Variants in MLIP observed in about 807,000 individuals in gnomAD.
The protein encoded by MLIP is muscular LMNA interacting protein.
MLIP carries 79 observed loss-of-function variants against 84.8 expected under a neutral mutation model. The observed-to-expected ratio is 0.93, with a 90% CI of 0.78 to 1.12. The LOEUF (loss-of-function observed/expected upper bound fraction) is 1.12. Among genes scored for constraint, MLIP ranks in the 50% most tolerant of loss-of-function variants. The pLI is 0.00. For missense variants in MLIP, 1,257 were observed against 1,160.6 expected (o/e 1.08, Z -1.21); for synonymous variants, 504 against 463.0 (o/e 1.09, Z -1.14).
In MLIP at chr6:54,066,498, G is replaced by A. The variant is rs1164291580; in HGVS notation, c.63+47407G>A. 5.1e-5 allele frequency among the ~76,000 whole-genome samples: 5 copies of A among 98,568 alleles called. 2 individuals carry two copies. Among genetic ancestry groups the A allele is most frequent in the African/African-American group, 1.3e-4 (5 of 38,768 alleles). The allele number at this position is 98,568 out of a possible 152,430, so 64.7% of individuals were successfully genotyped here. On this transcript the variant is annotated intron_variant, in intron 1 of 12. Coordinates refer to the MLIP transcript ENST00000274897. The stretch of plus-strand genomic sequence containing the variant: ...CAGTATGTGTGTGTGTCTGTGTGTC[G>A]GTGTGTGTGTTTGCATGTGTATGCA...
chr6:54,164,627 C>T (rs1562003415), intron 8 of MLIP, among the ~76,000 whole-genome samples: 1 of 151,900 alleles, frequency 6.6e-6, no homozygotes, highest in African/African-American at 2.4e-5. Context: ...ATATACTTTC[C>T]TCCAATCCAA....
rs1383911716 is a variant in MLIP, at chr6:54,067,444, C to G, written c.63+48353C>G. ...TCCAAAAGTGGCACTTTATTTAATT[C>G]TTTCTTTTATAACTGTTCCTAATTA... On this transcript the variant is annotated intron_variant, in intron 1 of 12. Transcript: ENST00000274897. 2.0e-5 allele frequency among the ~76,000 whole-genome samples: 2 copies of G among 101,304 alleles called. 1 individual carries two copies. The allele number at this position is 101,304 out of a possible 152,430, so 66.5% of individuals were successfully genotyped here.
rs377357608 is a variant in MLIP, at chr6:54,174,685, C to CATTCTGTGGGAAA, written c.2544+5122_2544+5123insGAAAATTCTGTGG. Among the ~76,000 whole-genome samples, 1,279 of 151,990 alleles carry CATTCTGTGGGAAA rather than the reference C, an allele frequency of 8.4e-3. 18 individuals are homozygous for CATTCTGTGGGAAA. Among genetic ancestry groups the CATTCTGTGGGAAA allele is most frequent in the African/African-American group, 0.029 (1,192 of 41,454 alleles). On this transcript the variant is annotated intron_variant, in intron 9 of 13. Transcript: ENST00000502396. ...TGGGTAGTTTGCAAATATTTTTTCC[C>CATTCTGTGGGAAA]ATTCTGTGGATTATCCCTTCACTTT...
rs1779786134 is a variant in MLIP at position 54,215,396 on chromosome 6, A to G, written c.2718+13163A>G. The stretch of plus-strand genomic sequence containing the variant: ...GCTACTAATCACCATTTCTAATGGA[A>G]CCCATACTAATAAGTATTTGTGATT... On this transcript the variant is annotated intron_variant, in intron 11 of 13. Coordinates refer to ENST00000502396, the MANE Select transcript of MLIP (RefSeq NM_001281747.2). The G allele has an allele frequency of 3.1e-6, 4 of 1,290,238 alleles. No homozygotes were observed. In the South Asian group the frequency reaches 9.7e-5, roughly 31 times the overall value. 79.9% of individuals were successfully genotyped at this position (1,290,238 alleles called of 1,614,324 possible). A position where few individuals can be genotyped will look rare whatever the true frequency, so the allele number is the denominator to read the frequency against.
chr6:54,161,550 AT>A (rs1189177878), intron 8 of MLIP, among the ~76,000 whole-genome samples: 1 of 151,694 alleles, frequency 6.6e-6, no homozygotes, highest in Non-Finnish European at 1.5e-5. Context: ...TTAGCTACTG[AT>A]TTTTTTGGTC....
At chr6:54,120,141 A>G (rs530591658) in intron 1 of MLIP, among the ~76,000 whole-genome samples, 18 of 152,348 alleles carry the variant, frequency 1.2e-4, no homozygotes, top group African/African-American at 4.1e-4. Flanking sequence ...TAAAAGAGAA[A>G]TCTACAGTAC....
intron 1 of MLIP, among the ~76,000 whole-genome samples, chr6:54,077,204 C>T (rs944965650): frequency 6.6e-6 from 1 of 152,074 alleles, no homozygotes; most frequent in East Asian, 1.9e-4. Flanking sequence ...AGTAATCAGT[C>T]CCCTTGACTG....
chr6:54,232,629 T>C lies in MLIP; in HGVS notation c.2922+1712T>C, dbSNP rs73741480. Among the ~76,000 whole-genome samples, 1,267 of 152,348 alleles carry C rather than the reference T, an allele frequency of 8.3e-3. 19 individuals carry two copies. Among genetic ancestry groups the C allele is most frequent in the African/African-American group, 0.028 (1,149 of 41,580 alleles). ...GTACATGAATTACCAATTTGATGTC[T>C]ATGTTTACAAACATTGTTTGTTAGA... On this transcript the variant is annotated intron_variant, in intron 12 of 13. Coordinates refer to ENST00000502396, the MANE Select transcript of MLIP (RefSeq NM_001281747.2).
intron 11 of MLIP, among the ~76,000 whole-genome samples, chr6:54,207,708 A>G (rs1018816651): frequency 1.2e-4 from 19 of 152,176 alleles, no homozygotes; most frequent in African/African-American, 4.1e-4. Context: ...TAATATCCCA[A>G]TTTACTAGGA....
At chr6:54,122,033 A>G (rs1390422677) in intron 2 of MLIP, among the ~76,000 whole-genome samples, 1 of 152,220 alleles carries the variant, frequency 6.6e-6, no homozygotes, top group African/African-American at 2.4e-5. Context: ...TGGCATGCTT[A>G]CACTTTGCTG....
chr6:54,059,980 T>C (rs1401564319), intron 1 of MLIP, among the ~76,000 whole-genome samples: 1 of 152,268 alleles, frequency 6.6e-6, no homozygotes, highest in Admixed American at 6.5e-5. Flanking sequence ...CATGTAGTGA[T>C]TTCTCCTAAA....
At chr6:54,027,613 C>T (rs140710043) in intron 1 of MLIP, among the ~76,000 whole-genome samples, 7 of 152,276 alleles carry the variant, frequency 4.6e-5, no homozygotes, top group African/African-American at 1.7e-4. Flanking sequence ...TTGCCAAACT[C>T]TAGCCACCAT....
intron 1 of MLIP, among the ~76,000 whole-genome samples, chr6:54,033,765 C>T (rs1214598993): frequency 1.3e-5 from 2 of 151,994 alleles, no homozygotes; most frequent in African/African-American, 4.8e-5. Flanking sequence ...TGTATTTACC[C>T]CAATGTGTAA....
At chr6:54,160,905 G>A (rs1286655194) in intron 8 of MLIP, 106 bp downstream of exon 8, 6 of 857,310 alleles carry the variant, frequency 7.0e-6, no homozygotes, top group East Asian at 2.6e-5. Context: ...TAAATTTAGT[G>A]AATAGCAATC....
intron 3 of MLIP, among the ~76,000 whole-genome samples, chr6:54,132,029 T>C (rs1771424944): frequency 6.6e-6 from 1 of 152,146 alleles, no homozygotes; most frequent in Non-Finnish European, 1.5e-5. Flanking sequence ...TCATTCATAT[T>C]ATGGCAATGT....
intron 11 of MLIP, among the ~76,000 whole-genome samples, chr6:54,204,294 G>T (rs1778893868): frequency 6.6e-6 from 1 of 152,088 alleles, no homozygotes; most frequent in Admixed American, 6.5e-5. Context: ...TAACAGAAAT[G>T]GAAACTCCTG....
chr6:54,235,806 C>CAT (rs1781319443), intron 12 of MLIP, among the ~76,000 whole-genome samples: 1 of 152,064 alleles, frequency 6.6e-6, no homozygotes, highest in South Asian at 2.1e-4. Context: ...GTGTTGGGAA[C>CAT]ATAGGTAGGG....
intron 11 of MLIP, among the ~76,000 whole-genome samples, chr6:54,208,588 TA>T (rs986101557): frequency 6.6e-6 from 1 of 152,160 alleles, no homozygotes; most frequent in African/African-American, 2.4e-5. Context: ...CTCCATCTCT[TA>T]AAAAAATTTT....
chr6:54,252,302 TATATA>T (rs1328610570), intron 12 of MLIP, among the ~76,000 whole-genome samples: 8 of 118,234 alleles, frequency 6.8e-5, no homozygotes, highest in South Asian at 2.5e-4. Flanking sequence ...TACCATATAA[TATATA>T]ATATAACTAT....
Sources: allele counts gnomAD v4.1 joint callset (sites outside exome capture counted in the v4.1 genomes callset), GRCh38; gene constraint gnomAD v4.1.1; transcripts MANE v1.5; gene names NCBI Gene and HGNC (gene_info 2026-07-23, HGNC 2026-07-21).